The following NR6A1 variants were observed in gnomAD, a reference collection of about 807,000 sequenced individuals.
The protein encoded by NR6A1 is nuclear receptor subfamily 6 group A member 1, also known as retinoic acid receptor-related testis-associated receptor.
A neutral mutation model predicts 59.1 loss-of-function variants in NR6A1; 7 were observed. The observed-to-expected ratio is 0.12, with a 90% CI of 0.07 to 0.22. NR6A1 has a LOEUF of 0.22. NR6A1 is among the 10% of genes least tolerant of loss of function. The pLI is 1.00. For synonymous variants in NR6A1, 243 were observed against 236.1 expected (o/e 1.03, Z -0.27); for missense variants, 468 against 611.6 (o/e 0.77, Z 2.48).
intron 2 of NR6A1, among the ~76,000 whole-genome samples, chr9:124,609,733 A>G (rs1350914104): frequency 2.0e-5 from 3 of 152,198 alleles, no homozygotes; most frequent in Non-Finnish European, 4.4e-5. Context: ...GATTCTTCCT[A>G]TCCATGAGCA....
At position 124,518,644 on chromosome 9, in the gene NR6A1, T is replaced by C. The variant is rs1832736590; in HGVS notation, c.*4061A>G. ...CTTCAAGCCAAGGAGAAAGGGAGGATGATCAGTTGCAAAGGCAGAGGGGAG... is the reference window on the plus strand; with the variant it reads ...CTTCAAGCCAAGGAGAAAGGGAGGACGATCAGTTGCAAAGGCAGAGGGGAG... On this transcript the variant is annotated 3_prime_UTR_variant, in exon 10 of 10. Transcript: ENST00000487099. 6.6e-6 allele frequency: 1 copy of C among 151,730 alleles called. No individual in the cohort carries two copies. The highest frequency in any genetic ancestry group is 1.9e-4 in the East Asian group (1 of 5,164). The allele number at this position is 151,730 out of a possible 1,614,324, so 9.4% of individuals were successfully genotyped here.
chr9:124,546,896 A>G (rs765469674), intron 3 of NR6A1, among the ~76,000 whole-genome samples: 4 of 152,218 alleles, frequency 2.6e-5, no homozygotes, highest in Non-Finnish European at 5.9e-5. Flanking sequence ...CATTTTTGAG[A>G]TGAGGAAACA....
At chr9:124,552,613 C>A (rs1314454809) in intron 3 of NR6A1, among the ~76,000 whole-genome samples, 1 of 152,148 alleles carries the variant, frequency 6.6e-6, no homozygotes, top group Non-Finnish European at 1.5e-5. Flanking sequence ...TGCTTAATAA[C>A]AAATTATAAT....
intron 7 of NR6A1, among the ~76,000 whole-genome samples, chr9:124,532,082 AT>A (rs899159377): frequency 6.6e-6 from 1 of 152,186 alleles, no homozygotes; most frequent in Non-Finnish European, 1.5e-5. Flanking sequence ...ACCCCAAATT[AT>A]TTAGATTGAC....
chr9:124,582,044 A>C (rs1263072823), intron 2 of NR6A1, among the ~76,000 whole-genome samples: 1 of 152,230 alleles, frequency 6.6e-6, no homozygotes, highest in Non-Finnish European at 1.5e-5. Flanking sequence ...AACCAGAAAT[A>C]CCATTCGACC....
At chr9:124,599,436 A>G in intron 2 of NR6A1, 1 of 406,928 alleles carries the variant, frequency 2.5e-6, no homozygotes. Flanking sequence ...AAAAAAAAAA[A>G]GTTCCTCTTC....
At chr9:124,636,211 A>T (rs1836607331) in intron 2 of NR6A1, among the ~76,000 whole-genome samples, 1 of 152,100 alleles carries the variant, frequency 6.6e-6, no homozygotes, top group African/African-American at 2.4e-5. Context: ...TTATGTCTTT[A>T]TTATTGAGTT....
At chr9:124,756,635 G>A (rs1840637518) in intron 1 of NR6A1, among the ~76,000 whole-genome samples, 1 of 152,086 alleles carries the variant, frequency 6.6e-6, no homozygotes, top group South Asian at 2.1e-4. Flanking sequence ...CACTGCACAG[G>A]ATCAGGATAG....
intron 7 of NR6A1, among the ~76,000 whole-genome samples, chr9:124,529,826 C>A (rs896310859): frequency 3.3e-5 from 5 of 152,020 alleles, no homozygotes; most frequent in African/African-American, 1.2e-4. Context: ...CACTCCTCAT[C>A]ATAGCACTGT....
At chr9:124,750,759 C>CA (rs1161286146) in intron 1 of NR6A1, among the ~76,000 whole-genome samples, 1 of 149,876 alleles carries the variant, frequency 6.7e-6, no homozygotes, top group African/African-American at 2.5e-5. Flanking sequence ...AACTCCGTCT[C>CA]AAAAAAATAA....
At chr9:124,713,593 C>T (rs1839341484) in intron 2 of NR6A1, among the ~76,000 whole-genome samples, 1 of 152,082 alleles carries the variant, frequency 6.6e-6, no homozygotes, top group Non-Finnish European at 1.5e-5. Flanking sequence ...CCTCAATAAA[C>T]ATTTCTCCAA....
chr9:124,639,061 G>A (rs1160690418), intron 2 of NR6A1, among the ~76,000 whole-genome samples: 3 of 152,266 alleles, frequency 2.0e-5, no homozygotes, highest in East Asian at 1.9e-4. Context: ...CTTATGGGCC[G>A]GACCTAGTCT....
intron 2 of NR6A1, among the ~76,000 whole-genome samples, chr9:124,686,416 T>A (rs904581510): frequency 1.3e-5 from 2 of 152,236 alleles, no homozygotes; most frequent in African/African-American, 4.8e-5. Context: ...CAAGATTCTC[T>A]CCAGTTCATT....
At chr9:124,742,836 A>C (rs1840214549) in intron 1 of NR6A1, among the ~76,000 whole-genome samples, 1 of 152,234 alleles carries the variant, frequency 6.6e-6, no homozygotes, top group Admixed American at 6.5e-5. Flanking sequence ...AGATGGTGCC[A>C]CTGCACTCCA....
chr9:124,762,560 T>A (rs1330536976), intron 1 of NR6A1, among the ~76,000 whole-genome samples: 1 of 152,182 alleles, frequency 6.6e-6, no homozygotes, highest in Non-Finnish European at 1.5e-5. Context: ...TTGTGGATAG[T>A]CTTCTTTGAT....
At chr9:124,748,990 C>T (rs930079974) in intron 1 of NR6A1, among the ~76,000 whole-genome samples, 13 of 152,054 alleles carry the variant, frequency 8.5e-5, no homozygotes, top group South Asian at 4.1e-4. Flanking sequence ...TGGCCAGGTG[C>T]GGTGGCTCAC....
intron 2 of NR6A1, among the ~76,000 whole-genome samples, chr9:124,614,615 T>G (rs922244706): frequency 6.6e-6 from 1 of 152,110 alleles, no homozygotes; most frequent in African/African-American, 2.4e-5. Flanking sequence ...GTTGAGAGAA[T>G]AGATCCTAAA....
chr9:124,530,204 C>T (rs1396605596), intron 7 of NR6A1, among the ~76,000 whole-genome samples: 7 of 152,156 alleles, frequency 4.6e-5, no homozygotes, highest in Non-Finnish European at 1.0e-4. Flanking sequence ...TGCCCTTTCT[C>T]TTGCGGACAG....
At chr9:124,665,439 G>A (rs1357008741) in intron 2 of NR6A1, among the ~76,000 whole-genome samples, 1 of 152,112 alleles carries the variant, frequency 6.6e-6, no homozygotes, top group Non-Finnish European at 1.5e-5. Context: ...ACACAGGCTG[G>A]TTCCATAATG....
Sources: gnomAD v4.1 joint callset for allele counts (sites outside exome capture counted in the v4.1 genomes callset) on GRCh38, gnomAD v4.1.1 for gene constraint, MANE v1.5 for transcripts, NCBI Gene and HGNC (gene_info 2026-07-23, HGNC 2026-07-21) for gene names.